The following HMCN1 variants were observed in gnomAD, a reference collection of about 807,000 sequenced individuals.
HMCN1 encodes hemicentin 1, also known as hemicentin-1.
Under a neutral mutation model 625.9 loss-of-function variants are expected in HMCN1, and 321 were observed. The observed-to-expected ratio is 0.51, with a 90% CI of 0.47 to 0.56. The LOEUF (loss-of-function observed/expected upper bound fraction) is 0.56, where lower values mean the gene tolerates loss of function less well. HMCN1 is among the 20% of genes least tolerant of loss of function. The pLI is 0.00. For missense variants in HMCN1, 6,588 were observed against 6,887.3 expected (o/e 0.96, Z 1.54); for synonymous variants, 2,425 against 2,417.6 (o/e 1.00, Z -0.09).
At chr1:185,811,567 G>A (rs1460920882) in intron 1 of HMCN1, among the ~76,000 whole-genome samples, 2 of 151,958 alleles carry the variant, frequency 1.3e-5, no homozygotes, top group Non-Finnish European at 2.9e-5. Flanking sequence ...CTGTGCTCCA[G>A]CCTGGGTGAC....
At chr1:186,037,468 G>A (rs1655911959) in intron 36 of HMCN1, among the ~76,000 whole-genome samples, 1 of 152,046 alleles carries the variant, frequency 6.6e-6, no homozygotes, top group African/African-American at 2.4e-5. Flanking sequence ...GAAAAAAACT[G>A]CCAAAAACCA....
In HMCN1 at chr1:186,081,333, A is replaced by G. The variant is rs1294491199; in HGVS notation, c.8726A>G (p.Asp2909Gly). Residue 2909 changes from aspartate to glycine, a missense_variant, in exon 56 of 107, where the codon GAT (aspartate) becomes GGT (glycine). Asp to Gly is a moderately conservative substitution (Grantham distance 94, BLOSUM62 -1). Coordinates refer to ENST00000271588, the MANE Select transcript of HMCN1 (RefSeq NM_031935.3). ...GCACCAAGGAATTCCTGGCAGAAAGATGGACAGCCCTTGCTAGAAGATGAC... is the reference window on the plus strand; with the variant it reads ...GCACCAAGGAATTCCTGGCAGAAAGGTGGACAGCCCTTGCTAGAAGATGAC... Reference protein sequence around the residue: ...SPAPRNSWQKDGQPLLEDDHH... With the variant: ...SPAPRNSWQKGGQPLLEDDHH... The G allele has an allele frequency of 1.2e-6, 2 of 1,613,836 alleles. No individual in the cohort carries two copies. Among genetic ancestry groups the G allele is most frequent in the Non-Finnish European group, 1.7e-6 (2 of 1,179,798 alleles).
intron 40 of HMCN1, among the ~76,000 whole-genome samples, chr1:186,044,136 T>C (rs1173224290): frequency 6.6e-6 from 1 of 152,200 alleles, no homozygotes; most frequent in East Asian, 1.9e-4. Flanking sequence ...GCTATTTTTA[T>C]AGTAGTTTTA....
rs1379996851 is a variant in HMCN1, at chr1:186,190,862, T to A, written c.*984T>A. ...TAGTGTGCATTTTCTATATAATATC[T>A]TGATGGACTCTTTTATAAAATTATT... On this transcript the variant is annotated 3_prime_UTR_variant, in exon 107 of 107. Transcript: ENST00000271588. The A allele has an allele frequency of 1.1e-5, 2 of 188,088 alleles. No individual in the cohort carries two copies. Among genetic ancestry groups the A allele is most frequent in the Non-Finnish European group, 2.2e-5 (2 of 89,032 alleles). The allele number at this position is 188,088 out of a possible 1,614,324, so 11.7% of individuals were successfully genotyped here. A position where few individuals can be genotyped will look rare whatever the true frequency, so the allele number is the denominator to read the frequency against.
chr1:185,945,188 A>G (rs1668273921), intron 11 of HMCN1, among the ~76,000 whole-genome samples: 1 of 152,238 alleles, frequency 6.6e-6, no homozygotes, highest in South Asian at 2.1e-4. Context: ...TATGTCAGAA[A>G]CATTTGGTTA....
intron 4 of HMCN1, among the ~76,000 whole-genome samples, chr1:185,902,414 T>C (rs1287002930): frequency 7.8e-5 from 10 of 127,476 alleles, no homozygotes. Context: ...TCTCTATCTA[T>C]CTATCTATCT....
intron 19 of HMCN1, among the ~76,000 whole-genome samples, chr1:185,986,674 C>T (rs1172809268): frequency 2.6e-5 from 4 of 151,760 alleles, no homozygotes; most frequent in African/African-American, 9.7e-5. Context: ...AAAATATTGA[C>T]TTAGAATCCT....
chr1:185,817,080 A>G (rs1659889558), intron 1 of HMCN1, among the ~76,000 whole-genome samples: 1 of 152,208 alleles, frequency 6.6e-6, no homozygotes, highest in African/African-American at 2.4e-5. Flanking sequence ...CTTAGAGTTT[A>G]TTCTGTACAA....
chr1:186,067,348 C>T (rs747744753), intron 49 of HMCN1, among the ~76,000 whole-genome samples: 14 of 152,132 alleles, frequency 9.2e-5, no homozygotes, highest in Non-Finnish European at 1.5e-4. Context: ...TTCATCCTCC[C>T]GATATACCCT....
chr1:186,043,751 C>A (rs941132160), intron 40 of HMCN1, among the ~76,000 whole-genome samples: 1 of 152,120 alleles, frequency 6.6e-6, no homozygotes, highest in African/African-American at 2.4e-5. Flanking sequence ...ACTTGTGAAT[C>A]TGTTTTCATG....
At chr1:186,134,812 G>T (rs1649493267) in intron 86 of HMCN1, among the ~76,000 whole-genome samples, 2 of 152,158 alleles carry the variant, frequency 1.3e-5, no homozygotes, top group South Asian at 2.1e-4. Context: ...TCAGTTCAAT[G>T]TCACTAAAAC....
intron 4 of HMCN1, among the ~76,000 whole-genome samples, chr1:185,885,960 TA>T (rs1365897336): frequency 6.6e-6 from 1 of 152,110 alleles, no homozygotes; most frequent in African/African-American, 2.4e-5. Flanking sequence ...TACAATTTTG[TA>T]GACATTCTAT....
In HMCN1 at chr1:186,120,023, C is replaced by A; in HGVS notation, c.12107C>A (p.Ala4036Glu). Residue 4036 changes from alanine (A) to glutamate (E), a missense_variant, in exon 80 of 107, where the codon GCA (alanine) becomes GAA (glutamate). By Grantham distance (107) the Ala-to-Glu change is moderately radical. This residue lies in a region of HMCN1 where 1,954 missense variants were observed against 2,013.1 expected (regional missense o/e 0.97). Coordinates refer to ENST00000271588, the MANE Select transcript of HMCN1 (RefSeq NM_031935.3). ...AACTATGTTGTAGGCAGAAACCATG[C>A]AGTTCTTCCTAGTGGCGGCTTACAG... is the stretch of plus-strand genomic sequence containing the variant. ...INVNTSGRNH[A>E]VLPSGGLQIS... 2 of 1,613,974 alleles carry A rather than the reference C, an allele frequency of 1.2e-6. No individual in the cohort carries two copies. Among genetic ancestry groups the A allele is most frequent in the Non-Finnish European group, 1.7e-6 (2 of 1,179,950 alleles).
intron 30 of HMCN1, among the ~76,000 whole-genome samples, chr1:186,014,040 G>A (rs1380035431): frequency 8.5e-5 from 13 of 152,100 alleles, no homozygotes; most frequent in African/African-American, 3.1e-4. Context: ...TTACAGTGGA[G>A]AAATATGGCA....
At position 186,094,233 on chromosome 1, in the gene HMCN1, G is replaced by A. The variant is rs1483910530; in HGVS notation, c.10197-43G>A. 4 of 1,371,214 alleles carry A rather than the reference G, an allele frequency of 2.9e-6. No homozygotes were observed. In the East Asian group the frequency reaches 6.9e-5, roughly 24 times the overall value. The allele number at this position is 1,371,214 out of a possible 1,614,324, so 84.9% of individuals were successfully genotyped here. A position where few individuals can be genotyped will look rare whatever the true frequency, so the allele number is the denominator to read the frequency against. ...CATAATTATTTTATGTGTACTTGTT[G>A]TATGGGAGCAAGTGATGAAATGTGG... On this transcript the variant is annotated intron_variant, in intron 66 of 106. Coordinates refer to ENST00000271588, the MANE Select transcript of HMCN1 (RefSeq NM_031935.3).
intron 25 of HMCN1, 55 bp from the exon 26 acceptor site, chr1:185,999,990 T>G: frequency 2.4e-6 from 3 of 1,238,334 alleles, no homozygotes; most frequent in Non-Finnish European, 3.5e-6. Context: ...TATTTGATAT[T>G]TAATAATTTC....
intron 14 of HMCN1, 80 bp from the exon 15 acceptor site, chr1:185,970,255 A>G (rs2101968793): frequency 7.5e-7 from 1 of 1,329,412 alleles, no homozygotes; most frequent in East Asian, 2.3e-5. Flanking sequence ...TTTATTTGGA[A>G]GTTTTGAAAT....
At chr1:186,019,017 G>T (rs1032938245) in intron 34 of HMCN1, among the ~76,000 whole-genome samples, 1 of 151,950 alleles carries the variant, frequency 6.6e-6, no homozygotes, top group Admixed American at 6.6e-5. Flanking sequence ...TCTGCAGACT[G>T]CTGTTTTCTT....
At chr1:185,760,460 A>G (rs902370942) in intron 1 of HMCN1, among the ~76,000 whole-genome samples, 1 of 152,192 alleles carries the variant, frequency 6.6e-6, no homozygotes, top group African/African-American at 2.4e-5. Context: ...TCTTCAACGT[A>G]AAAGAATAGA....
Sources: allele counts gnomAD v4.1 joint callset (sites outside exome capture counted in the v4.1 genomes callset), GRCh38; gene constraint gnomAD v4.1.1; regional missense constraint gnomAD v4.1.1; transcripts MANE v1.5; gene names NCBI Gene and HGNC (gene_info 2026-07-23, HGNC 2026-07-21).